DCC: variants seen among roughly 807,000 people sequenced by gnomAD.
DCC encodes the protein netrin receptor DCC.
Under a neutral mutation model 172.5 loss-of-function variants are expected in DCC, and 58 were observed. The observed-to-expected ratio is 0.34, with a 90% CI of 0.27 to 0.42. DCC has a LOEUF of 0.42. Among genes scored for constraint, DCC ranks in the 10% least tolerant of loss-of-function variants. The pLI is 1.00. For synonymous variants in DCC, 709 were observed against 644.5 expected (o/e 1.10, Z -1.52); for missense variants, 1,740 against 1,791.0 (o/e 0.97, Z 0.51).
chr18:53,337,276 T>C (rs1335887972), intron 14 of DCC, among the ~76,000 whole-genome samples: 1 of 152,248 alleles, frequency 6.6e-6, no homozygotes, highest in African/African-American at 2.4e-5. Flanking sequence ...TAAAAAGTCA[T>C]AAATGCAGAA....
At chr18:52,966,731 T>C (rs758149689) in intron 5 of DCC, among the ~76,000 whole-genome samples, 4 of 152,192 alleles carry the variant, frequency 2.6e-5, no homozygotes, top group Non-Finnish European at 5.9e-5. Flanking sequence ...GAATCACTGT[T>C]TCTCCCTTTG....
At chr18:52,609,915 A>T (rs542807476) in intron 1 of DCC, among the ~76,000 whole-genome samples, 51 of 151,856 alleles carry the variant, frequency 3.4e-4, no homozygotes, top group African/African-American at 1.2e-3. Flanking sequence ...TGACAGCCTT[A>T]TTGTCTGGAT....
intron 24 of DCC, among the ~76,000 whole-genome samples, chr18:53,462,236 G>A (rs1473320111): frequency 1.3e-5 from 2 of 152,090 alleles, no homozygotes; most frequent in Admixed American, 1.3e-4. Context: ...GGCCTGTTAG[G>A]AACTGGGCCA....
intron 26 of DCC, among the ~76,000 whole-genome samples, chr18:53,496,403 T>C (rs993712143): frequency 3.9e-5 from 6 of 152,150 alleles, no homozygotes; most frequent in African/African-American, 1.2e-4. Context: ...CAGAAAGGAA[T>C]AGTATCAACA....
chr18:53,427,006 C>T (rs79566599), intron 21 of DCC, among the ~76,000 whole-genome samples: 3,268 of 152,204 alleles, frequency 0.021, 57 homozygotes, highest in Admixed American at 0.052. Flanking sequence ...CAAATTTGCT[C>T]AGGCACAAAC....
intron 12 of DCC, among the ~76,000 whole-genome samples, chr18:53,290,410 C>A (rs909298736): frequency 2.6e-5 from 4 of 152,182 alleles, no homozygotes; most frequent in Admixed American, 6.5e-5. Context: ...AGTCTCACTT[C>A]ATTTTATGAG....
intron 1 of DCC, among the ~76,000 whole-genome samples, chr18:52,497,031 G>T (rs182621337): frequency 1.3e-5 from 2 of 151,432 alleles, no homozygotes; most frequent in Admixed American, 6.6e-5. Flanking sequence ...AGGCAGGAGG[G>T]TCCCTCAAGC....
chr18:53,512,059 CCTGT>C (rs1175420334), intron 27 of DCC, among the ~76,000 whole-genome samples: 3 of 152,192 alleles, frequency 2.0e-5, no homozygotes, highest in African/African-American at 7.2e-5. Context: ...CTTAAATGTC[CCTGT>C]CTGACAGCTT....
intron 5 of DCC, among the ~76,000 whole-genome samples, chr18:52,959,457 A>G (rs530311887): frequency 3.3e-5 from 5 of 152,150 alleles, no homozygotes; most frequent in African/African-American, 9.6e-5. Context: ...TTCAGGAGCT[A>G]CATTTGTATG....
chr18:52,433,766 C>T (rs62083541), intron 1 of DCC, among the ~76,000 whole-genome samples: 2,043 of 152,218 alleles, frequency 0.013, 19 homozygotes, highest in Non-Finnish European at 0.02. Flanking sequence ...TAATAATTAA[C>T]GCTTTTATAC....
chr18:53,295,644 C>G (rs1454482176), intron 12 of DCC, among the ~76,000 whole-genome samples: 1 of 152,084 alleles, frequency 6.6e-6, no homozygotes, highest in Non-Finnish European at 1.5e-5. Flanking sequence ...CTGCCCTTTC[C>G]AACATTAAAC....
At chr18:52,776,166 G>C (rs1221786347) in intron 2 of DCC, among the ~76,000 whole-genome samples, 2 of 152,086 alleles carry the variant, frequency 1.3e-5, no homozygotes, top group Non-Finnish European at 2.9e-5. Flanking sequence ...AAAGTGAACA[G>C]TAGAAAAATA....
rs140544626 is a variant in DCC at position 53,251,122 on chromosome 18, C to T, written c.1911+35525C>T. On this transcript the variant is annotated intron_variant, in intron 12 of 28. Transcript: ENST00000442544. ...TTACACCATCATCTCTAGTCTTATT[C>T]CCTGATCTGATTATTAGAATCTATC... Among the ~76,000 whole-genome samples, 1,112 of 152,016 alleles carry T rather than the reference C, an allele frequency of 7.3e-3. 13 individuals are homozygous for T. The highest frequency in any genetic ancestry group is 0.031 in the Middle Eastern group (9 of 294).
At chr18:53,245,265 G>A (rs2056352122) in intron 12 of DCC, among the ~76,000 whole-genome samples, 1 of 152,016 alleles carries the variant, frequency 6.6e-6, no homozygotes, top group Non-Finnish European at 1.5e-5. Flanking sequence ...TTGTGACTCA[G>A]GTATAATTTT....
At position 53,339,726 on chromosome 18, in the gene DCC, T is replaced by C. The variant is rs755682764; in HGVS notation, c.2178T>C (p.Pro726=). 2 of 1,613,976 alleles carry C rather than the reference T, an allele frequency of 1.2e-6. No individual in the cohort carries two copies. Residue 726 remains proline, a synonymous_variant, in exon 15 of 29, where the codon CCT becomes CCC. Coordinates refer to ENST00000442544, the MANE Select transcript of DCC (RefSeq NM_005215.4). ...PENDLDESQV[P]DQPSSLHVRP... ...TTTGAATGCTAGAATCTCAAGTTCC[T>C]GATCAACCAAGCTCTCTTCATGTGA...
chr18:53,152,878 A>G (rs745454758), intron 7 of DCC, among the ~76,000 whole-genome samples: 1 of 152,212 alleles, frequency 6.6e-6, no homozygotes, highest in Non-Finnish European at 1.5e-5. Context: ...GTTTTAATAT[A>G]ACGCCTGTTT....
chr18:53,495,396 A>AG lies in DCC; in HGVS notation c.3899-3902_3899-3901insG, dbSNP rs1020097224. ...CAGAGCAAGACTCCATCTCAAAAAA[A>AG]AAAAAAAAAAGAAAGAAAGAAAATT... On this transcript the variant is annotated intron_variant, in intron 26 of 28. Coordinates refer to ENST00000442544, the MANE Select transcript of DCC (RefSeq NM_005215.4). Among the ~76,000 whole-genome samples, 3 of 150,972 alleles carry AG rather than the reference A, an allele frequency of 2.0e-5. No individual in the cohort carries two copies. In the Admixed American group the frequency reaches 2.0e-4, roughly 10 times the overall value.
At chr18:53,174,481 T>A (rs1454776233) in intron 8 of DCC, among the ~76,000 whole-genome samples, 1 of 148,294 alleles carries the variant, frequency 6.7e-6, no homozygotes, top group Admixed American at 6.8e-5. Flanking sequence ...CAATAAAAAA[T>A]GATAAAGGGG....
chr18:52,928,746 C>G (rs184576868), intron 5 of DCC, among the ~76,000 whole-genome samples: 1 of 152,244 alleles, frequency 6.6e-6, no homozygotes, highest in East Asian at 1.9e-4. Context: ...AAGTGAGAAA[C>G]AAGAACAGCA....
Sources: gnomAD v4.1 joint callset for allele counts (sites outside exome capture counted in the v4.1 genomes callset) on GRCh38, gnomAD v4.1.1 for gene constraint, MANE v1.5 for transcripts, NCBI Gene and HGNC (gene_info 2026-07-23, HGNC 2026-07-21) for gene names.